OCA2: variants seen among roughly 807,000 people sequenced by gnomAD.
OCA2 encodes OCA2 melanosomal transmembrane protein, also known as P protein.
Under a neutral mutation model 100.2 loss-of-function variants are expected in OCA2, and 77 were observed. The observed-to-expected ratio is 0.77, with a 90% CI of 0.64 to 0.93. The LOEUF (loss-of-function observed/expected upper bound fraction) is 0.93, where lower values mean the gene tolerates loss of function less well. Among genes scored for constraint, OCA2 ranks in the 40% least tolerant of loss-of-function variants. OCA2 has a pLI of 0.00. For synonymous variants in OCA2, 432 were observed against 439.2 expected, an observed-to-expected ratio of 0.98 and a Z score of 0.21; for missense variants, 1,062 against 1,089.1, an observed-to-expected ratio of 0.98 and a Z score of 0.35.
chr15:27,911,882 T>A (rs1007293616), intron 19 of OCA2, among the ~76,000 whole-genome samples: 2 of 152,158 alleles, frequency 1.3e-5, no homozygotes, highest in African/African-American at 4.8e-5. Context: ...AAAGAATTAA[T>A]TTAAGAAATT....
chr15:28,029,387 C>A (rs1198448178), intron 3 of OCA2, among the ~76,000 whole-genome samples: 1 of 151,984 alleles, frequency 6.6e-6, no homozygotes, highest in African/African-American at 2.4e-5. Flanking sequence ...CTGAAAAAAA[C>A]ACAACTGTAA....
At chr15:27,772,320 TTAC>T (rs1566951146) in intron 23 of OCA2, among the ~76,000 whole-genome samples, 2 of 152,246 alleles carry the variant, frequency 1.3e-5, no homozygotes, top group African/African-American at 4.8e-5. Flanking sequence ...GCAAATTCTA[TTAC>T]TACTACTACT....
chr15:28,001,511 C>G (rs1595796666), intron 9 of OCA2, among the ~76,000 whole-genome samples: 1 of 152,142 alleles, frequency 6.6e-6, no homozygotes, highest in East Asian at 1.9e-4. Flanking sequence ...GCAGTGTGGT[C>G]AGGGAAGGGT....
intron 23 of OCA2, among the ~76,000 whole-genome samples, chr15:27,779,605 C>A (rs1284720150): frequency 6.6e-6 from 1 of 152,124 alleles, no homozygotes; most frequent in African/African-American, 2.4e-5. Flanking sequence ...TTACCATTTG[C>A]ACAGAATATC....
At chr15:28,044,864 T>G (rs1414647537) in intron 2 of OCA2, among the ~76,000 whole-genome samples, 1 of 152,234 alleles carries the variant, frequency 6.6e-6, no homozygotes, top group Non-Finnish European at 1.5e-5. Flanking sequence ...TAGCACTGTA[T>G]GTCTTTTTTC....
chr15:27,965,175 C>A (rs1045346633), intron 15 of OCA2, among the ~76,000 whole-genome samples: 4 of 152,200 alleles, frequency 2.6e-5, no homozygotes, highest in African/African-American at 9.7e-5. Flanking sequence ...TAAGACACAG[C>A]TGTGCACACA....
At chr15:27,861,080 G>C (rs2036112590) in intron 21 of OCA2, among the ~76,000 whole-genome samples, 1 of 152,246 alleles carries the variant, frequency 6.6e-6, no homozygotes, top group Non-Finnish European at 1.5e-5. Flanking sequence ...CTTTTCCACT[G>C]TGTGACAGCA....
intron 2 of OCA2, among the ~76,000 whole-genome samples, chr15:28,046,116 C>G (rs1400469776): frequency 6.6e-6 from 1 of 152,222 alleles, no homozygotes; most frequent in Non-Finnish European, 1.5e-5. Context: ...ACTCCAGACT[C>G]TCTCTTCCTG....
chr15:27,918,305 C>A (rs2038740074), intron 19 of OCA2, among the ~76,000 whole-genome samples: 1 of 152,068 alleles, frequency 6.6e-6, no homozygotes, highest in Non-Finnish European at 1.5e-5. Context: ...GTCCTGGCCT[C>A]ATGATCCACC....
chr15:27,771,031 T>C, intron 23 of OCA2, among the ~76,000 whole-genome samples: 2 of 138,144 alleles, frequency 1.4e-5, no homozygotes, highest in Admixed American at 7.4e-5. Context: ...TTTCCTTCCC[T>C]CCCTCCCTCT....
chr15:27,962,671 T>G lies in OCA2; in HGVS notation c.1636+4019A>C, dbSNP rs377011326. Among the ~76,000 whole-genome samples, 295 of 152,220 alleles carry G rather than the reference T, an allele frequency of 1.9e-3. 4 individuals carry two copies. Among genetic ancestry groups the G allele is most frequent in the African/African-American group, 6.9e-3 (287 of 41,532 alleles). On this transcript the variant is annotated intron_variant, in intron 15 of 23. Coordinates refer to ENST00000354638, the MANE Select transcript of OCA2 (RefSeq NM_000275.3). ...AAAACAGAATTAAAGCCAAAAAAAG[T>G]AACAACCAACAGAGGAGAAAATATA...
intron 23 of OCA2, among the ~76,000 whole-genome samples, chr15:27,809,041 C>G (rs2033973211): frequency 6.6e-6 from 1 of 152,174 alleles, no homozygotes; most frequent in African/African-American, 2.4e-5. Context: ...TCACTGCAGC[C>G]CCCAAAGGCT....
intron 9 of OCA2, among the ~76,000 whole-genome samples, chr15:28,013,631 C>G (rs1331074474): frequency 6.6e-6 from 1 of 152,104 alleles, no homozygotes; most frequent in Non-Finnish European, 1.5e-5. Context: ...CCTCTGGCTG[C>G]TGGAGGGAGG....
chr15:28,039,049 G>A (rs918424637), intron 2 of OCA2, among the ~76,000 whole-genome samples: 6 of 152,094 alleles, frequency 3.9e-5, no homozygotes, highest in African/African-American at 9.7e-5. Flanking sequence ...GACAAAAACC[G>A]TTACAAGAGG....
intron 23 of OCA2, among the ~76,000 whole-genome samples, chr15:27,842,656 C>T (rs565737536): frequency 6.6e-6 from 1 of 152,294 alleles, no homozygotes; most frequent in South Asian, 2.1e-4. Context: ...AAGGAAGGAA[C>T]TCTGTTGACC....
chr15:27,864,097 C>T (rs1214497020), intron 21 of OCA2, among the ~76,000 whole-genome samples: 1 of 152,150 alleles, frequency 6.6e-6, no homozygotes, highest in Non-Finnish European at 1.5e-5. Context: ...CCCAACCACC[C>T]AGAGGGCATC....
chr15:27,830,432 A>G (rs2034905209), intron 23 of OCA2, among the ~76,000 whole-genome samples: 1 of 152,076 alleles, frequency 6.6e-6, no homozygotes, highest in African/African-American at 2.4e-5. Flanking sequence ...GAAAATAAAT[A>G]AATTAAATAC....
chr15:28,087,206 G>GA (rs2044790847), intron 1 of OCA2, among the ~76,000 whole-genome samples: 1 of 151,910 alleles, frequency 6.6e-6, no homozygotes, highest in African/African-American at 2.4e-5. Context: ...TCCCTACAGG[G>GA]AAAAAACAAT....
intron 23 of OCA2, among the ~76,000 whole-genome samples, chr15:27,834,777 C>A (rs1301938007): frequency 1.3e-5 from 2 of 152,196 alleles, no homozygotes; most frequent in Non-Finnish European, 2.9e-5. Context: ...TGTCACCCAC[C>A]TTCCATGGTA....
Sources: gnomAD v4.1 joint callset for allele counts (sites outside exome capture counted in the v4.1 genomes callset) on GRCh38, gnomAD v4.1.1 for gene constraint, MANE v1.5 for transcripts, NCBI Gene and HGNC (gene_info 2026-07-23, HGNC 2026-07-21) for gene names.